Variants in ORC5 observed in about 807,000 individuals in gnomAD.
ORC5 encodes the protein origin recognition complex subunit 5.
ORC5 carries 39 observed loss-of-function variants against 58.8 expected under a neutral mutation model. The ratio of observed to expected loss-of-function variants is 0.66; its 90% CI spans 0.51 to 0.87. The LOEUF is 0.87. ORC5 is among the 40% of genes least tolerant of loss of function. The probability of loss-of-function intolerance (pLI) is 0.00; values close to 1 mark genes in which losing one functional copy is unlikely to be tolerated. For synonymous variants in ORC5, 218 were observed against 177.6 expected (o/e 1.23, Z -1.81); for missense variants, 493 against 506.3 (o/e 0.97, Z 0.25).
intron 12 of ORC5, among the ~76,000 whole-genome samples, chr7:104,145,927 A>G (rs1798746463): frequency 6.6e-6 from 1 of 152,222 alleles, no homozygotes; most frequent in African/African-American, 2.4e-5. Flanking sequence ...GCAATTCTAT[A>G]TCTAGCAAAA....
At chr7:104,174,627 G>A (rs1342902732) in intron 8 of ORC5, among the ~76,000 whole-genome samples, 2 of 152,126 alleles carry the variant, frequency 1.3e-5, no homozygotes, top group East Asian at 3.9e-4. Flanking sequence ...ACACTGTATC[G>A]CTAATAATTG....
At position 104,206,567 on chromosome 7, in the gene ORC5, AAATT is replaced by A. The variant is rs1800089906; in HGVS notation, c.72+1262_72+1265del. Reference sequence around the variant, plus strand: ...TATAATTGAAAGCAGTATAAATAGAAAATTAATTGAAGATGCAGTTGTTGACCTC... The same window carrying A: ...TATAATTGAAAGCAGTATAAATAGAAAATTGAAGATGCAGTTGTTGACCTC... On this transcript the variant is annotated intron_variant, in intron 1 of 13. Coordinates refer to ENST00000297431, the MANE Select transcript of ORC5 (RefSeq NM_002553.4). Among the ~76,000 whole-genome samples, 18 of 152,316 alleles carry A rather than the reference AAATT, an allele frequency of 1.2e-4. No homozygotes were observed. The South Asian group carries it at 3.7e-3, about 32-fold the overall frequency.
chr7:104,190,161 A>G (rs956173323), intron 5 of ORC5, among the ~76,000 whole-genome samples: 3 of 152,132 alleles, frequency 2.0e-5, no homozygotes, highest in Non-Finnish European at 4.4e-5. Flanking sequence ...TAAAAAAAAA[A>G]TTATTAAATA....
chr7:104,144,022 G>A (rs1355366189), intron 12 of ORC5, among the ~76,000 whole-genome samples: 1 of 152,110 alleles, frequency 6.6e-6, no homozygotes, highest in Non-Finnish European at 1.5e-5. Context: ...GGGAGGTTGA[G>A]GCATGAGAAT....
At chr7:104,207,161 G>A (rs993020107) in intron 1 of ORC5, among the ~76,000 whole-genome samples, 2 of 152,130 alleles carry the variant, frequency 1.3e-5, no homozygotes, top group Middle Eastern at 3.2e-3. Flanking sequence ...GAATCAAAAA[G>A]CACATCAAAG....
Position 104,188,508 on chromosome 7 carries a change from A to C in ORC5, c.554-127T>G, listed in dbSNP as rs745731533. The C allele has an allele frequency of 1.8e-5, 11 of 605,922 alleles. No individual in the cohort carries two copies. The East Asian group carries it at 2.6e-4, about 14-fold the overall frequency. 37.5% of individuals were successfully genotyped at this position (605,922 alleles called of 1,614,324 possible). ...CCAGCAACAATTAAGGAATAATAAA[A>C]CTATTACAAGATTAGAATACAAAAG... On this transcript the variant is annotated intron_variant, in intron 5 of 13. Coordinates refer to ENST00000297431, the MANE Select transcript of ORC5 (RefSeq NM_002553.4).
At chr7:104,148,148 C>CA (rs1268744792) in intron 12 of ORC5, among the ~76,000 whole-genome samples, 9 of 152,178 alleles carry the variant, frequency 5.9e-5, no homozygotes, top group African/African-American at 2.2e-4. Flanking sequence ...AAAACCCTCC[C>CA]ATGATTACTA....
intron 11 of ORC5, among the ~76,000 whole-genome samples, chr7:104,162,685 A>ATT (rs1799044329): frequency 6.6e-6 from 1 of 152,242 alleles, no homozygotes; most frequent in Admixed American, 6.5e-5. Flanking sequence ...ACAGAAGTGA[A>ATT]TATAATGAAT....
intron 13 of ORC5, among the ~76,000 whole-genome samples, chr7:104,135,344 C>T (rs1422753730): frequency 1.3e-4 from 20 of 152,132 alleles, no homozygotes; most frequent in Non-Finnish European, 2.2e-4. Context: ...ATTTTCTCTG[C>T]GTAAAAGTTT....
chr7:104,203,545 G>A (rs1171712121), intron 2 of ORC5, among the ~76,000 whole-genome samples: 2 of 152,178 alleles, frequency 1.3e-5, no homozygotes, highest in African/African-American at 2.4e-5. Context: ...CTTTCCATGT[G>A]CTAACATTTA....
intron 8 of ORC5, among the ~76,000 whole-genome samples, chr7:104,177,686 C>T (rs1174418317): frequency 6.6e-6 from 1 of 152,048 alleles, no homozygotes; most frequent in Non-Finnish European, 1.5e-5. Context: ...TTAAGCCCTG[C>T]ATGCATTAGG....
At chr7:104,200,710 T>C (rs763926850) in intron 3 of ORC5, 48 bp downstream of exon 3, 8 of 1,143,036 alleles carry the variant, frequency 7.0e-6, no homozygotes, top group Middle Eastern at 2.8e-4. Flanking sequence ...TCTAATAAAT[T>C]ATCAGTTTTC....
At chr7:104,140,561 C>T (rs1202133737) in intron 12 of ORC5, among the ~76,000 whole-genome samples, 1 of 151,598 alleles carries the variant, frequency 6.6e-6, no homozygotes, top group Non-Finnish European at 1.5e-5. Context: ...TGCATACTAG[C>T]AATCCTCTGA....
intron 13 of ORC5, among the ~76,000 whole-genome samples, chr7:104,127,442 T>C (rs1798446790): frequency 6.6e-6 from 1 of 152,212 alleles, no homozygotes; most frequent in African/African-American, 2.4e-5. Context: ...ATGATGTGAA[T>C]GTATATTTTT....
intron 4 of ORC5, 114 bp downstream of exon 4, chr7:104,197,611 C>A: frequency 3.2e-6 from 2 of 626,540 alleles, no homozygotes; most frequent in East Asian, 6.4e-5. Flanking sequence ...GAAATGCAAA[C>A]TAAAATTATA....
intron 13 of ORC5, among the ~76,000 whole-genome samples, chr7:104,127,131 G>A (rs1295170893): frequency 6.7e-6 from 1 of 149,230 alleles, no homozygotes; most frequent in Non-Finnish European, 1.5e-5. Context: ...AAAAGTAAAC[G>A]AAGCTAGAGC....
intron 12 of ORC5, among the ~76,000 whole-genome samples, chr7:104,154,512 A>G (rs1584489293): frequency 6.6e-6 from 1 of 151,968 alleles, no homozygotes; most frequent in East Asian, 1.9e-4. Flanking sequence ...CATTAACTCT[A>G]AACATATAAA....
intron 8 of ORC5, among the ~76,000 whole-genome samples, chr7:104,182,280 G>C (rs1799450221): frequency 6.6e-6 from 1 of 152,182 alleles, no homozygotes; most frequent in African/African-American, 2.4e-5. Context: ...AGCAGGATAA[G>C]AAGTTGACAG....
At chr7:104,164,148 GGT>G (rs756121669) in intron 11 of ORC5, among the ~76,000 whole-genome samples, 1 of 152,166 alleles carries the variant, frequency 6.6e-6, no homozygotes, top group Non-Finnish European at 1.5e-5. Context: ...GGTTGGGCAT[GGT>G]AGCTCATGCC....
Sources: allele counts gnomAD v4.1 joint callset (sites outside exome capture counted in the v4.1 genomes callset), GRCh38; gene constraint gnomAD v4.1.1; transcripts MANE v1.5; gene names NCBI Gene and HGNC (gene_info 2026-07-23, HGNC 2026-07-21).